LPP: variants seen among roughly 807,000 people sequenced by gnomAD.
The protein encoded by LPP is LIM domain containing preferred translocation partner in lipoma.
LPP carries 38 observed loss-of-function variants against 60.4 expected under a neutral mutation model. The observed-to-expected ratio is 0.63, with a 90% CI of 0.49 to 0.83. LPP has a LOEUF of 0.83. LPP is among the 40% of genes least tolerant of loss of function. The pLI, the probability that LPP is intolerant of heterozygous loss-of-function variation, is 0.00. For missense variants in LPP, 902 were observed against 783.6 expected (o/e 1.15, Z -1.80); for synonymous variants, 328 against 290.8 (o/e 1.13, Z -1.30).
intron 2 of LPP, among the ~76,000 whole-genome samples, chr3:188,319,180 C>G (rs910775582): frequency 6.6e-6 from 1 of 152,172 alleles, no homozygotes; most frequent in African/African-American, 2.4e-5. Context: ...AATGTGTTGG[C>G]TAAGCACCTT....
intron 5 of LPP, among the ~76,000 whole-genome samples, chr3:188,489,821 C>G (rs1807778929): frequency 6.6e-6 from 1 of 152,152 alleles, no homozygotes; most frequent in African/African-American, 2.4e-5. Context: ...CTTTGTTCGT[C>G]TTTTCTTGGT....
At chr3:188,266,599 C>T (rs1735664306) in intron 2 of LPP, among the ~76,000 whole-genome samples, 1 of 151,954 alleles carries the variant, frequency 6.6e-6, no homozygotes, top group African/African-American at 2.4e-5. Context: ...TTATTATGTA[C>T]ATAACTTTCT....
chr3:188,312,007 A>G (rs1463639600), intron 2 of LPP, among the ~76,000 whole-genome samples: 1 of 152,228 alleles, frequency 6.6e-6, no homozygotes, highest in East Asian at 1.9e-4. Flanking sequence ...AGTTTAAACT[A>G]TAGTATAAAA....
intron 2 of LPP, among the ~76,000 whole-genome samples, chr3:188,266,229 C>G (rs951921661): frequency 6.6e-6 from 1 of 151,994 alleles, no homozygotes; most frequent in African/African-American, 2.4e-5. Context: ...CCAGTCACTC[C>G]AAAGGTTCCA....
chr3:188,324,028 T>A (rs1001775134), intron 2 of LPP, among the ~76,000 whole-genome samples: 3 of 149,292 alleles, frequency 2.0e-5, no homozygotes, highest in African/African-American at 5.0e-5. Flanking sequence ...AATAAATGAT[T>A]GGTATTGTTG....
At chr3:188,247,429 T>C (rs1727374566) in intron 2 of LPP, among the ~76,000 whole-genome samples, 1 of 152,196 alleles carries the variant, frequency 6.6e-6, no homozygotes, top group Admixed American at 6.5e-5. Flanking sequence ...TTATTAATAA[T>C]TTTTTCTATA....
intron 7 of LPP, among the ~76,000 whole-genome samples, chr3:188,621,857 G>C (rs149090544): frequency 1.2e-3 from 184 of 152,024 alleles, no homozygotes; most frequent in African/African-American, 4.2e-3. Context: ...ATGGGGTTTC[G>C]CATTGTTAGC....
chr3:188,671,128 T>C (rs1856871117), intron 7 of LPP, among the ~76,000 whole-genome samples: 1 of 152,242 alleles, frequency 6.6e-6, no homozygotes, highest in Non-Finnish European at 1.5e-5. Flanking sequence ...CAGCTGAAAA[T>C]GGCTCTGCCT....
At chr3:188,274,841 A>G (rs1475049435) in intron 2 of LPP, among the ~76,000 whole-genome samples, 6 of 152,240 alleles carry the variant, frequency 3.9e-5, no homozygotes, top group Non-Finnish European at 8.8e-5. Flanking sequence ...TTTTGTAATA[A>G]GCAGTTTCAC....
rs2152103059 is a variant in LPP, at chr3:188,887,529, G to T, written c.*13050G>T. On this transcript the variant is annotated 3_prime_UTR_variant, in exon 12 of 12. Coordinates refer to ENST00000617246, the MANE Select transcript of LPP (RefSeq NM_001375462.1). ...CTTTCAAATAATAAATGGGGAGTTG[G>T]TATTTGGGCAGAGTTTGCATTTTAC... is the stretch of plus-strand genomic sequence containing the variant. 4.6e-6 allele frequency: 1 copy of T among 216,548 alleles called. No individual in the cohort carries two copies. The highest frequency in any genetic ancestry group is 6.9e-5 in the East Asian group (1 of 14,592). The allele number at this position is 216,548 out of a possible 1,614,324, so 13.4% of individuals were successfully genotyped here. A position where few individuals can be genotyped will look rare whatever the true frequency, so the allele number is the denominator to read the frequency against.
chr3:188,325,447 C>T (rs1325986595), intron 2 of LPP, among the ~76,000 whole-genome samples: 1 of 152,244 alleles, frequency 6.6e-6, no homozygotes, highest in East Asian at 1.9e-4. Flanking sequence ...AATGTTAAAG[C>T]CTTACCTAGC....
intron 5 of LPP, among the ~76,000 whole-genome samples, chr3:188,516,222 G>T (rs1817321843): frequency 6.6e-6 from 1 of 152,066 alleles, no homozygotes; most frequent in East Asian, 1.9e-4. Flanking sequence ...TGGGAAAGAG[G>T]ATACACATCC....
intron 2 of LPP, among the ~76,000 whole-genome samples, chr3:188,302,930 A>G (rs549824727): frequency 6.6e-6 from 1 of 152,226 alleles, no homozygotes; most frequent in Non-Finnish European, 1.5e-5. Flanking sequence ...TAGCTTTGGC[A>G]TAATTAAGAA....
intron 7 of LPP, among the ~76,000 whole-genome samples, chr3:188,664,993 T>A (rs1335256686): frequency 6.6e-6 from 1 of 152,148 alleles, no homozygotes; most frequent in Non-Finnish European, 1.5e-5. Flanking sequence ...ACACACCCAG[T>A]GTAGTACGCC....
Position 188,320,955 on chromosome 3 carries a change from G to A in LPP, c.-66-20708G>A, listed in dbSNP as rs1231202897. 5.3e-5 allele frequency among the ~76,000 whole-genome samples: 8 copies of A among 152,294 alleles called. No homozygotes were observed. The South Asian group carries it at 8.3e-4, about 16-fold the overall frequency. ...GTATCCCAGTGGCCAGTGTGAGTAA[G>A]CTGTCATATTTTCGGTAGTAATCCT... On this transcript the variant is annotated intron_variant, in intron 2 of 11. Coordinates refer to ENST00000617246, the MANE Select transcript of LPP (RefSeq NM_001375462.1).
chr3:188,409,686 A>C (rs1035633271), intron 4 of LPP, among the ~76,000 whole-genome samples: 1 of 152,110 alleles, frequency 6.6e-6, no homozygotes, highest in Non-Finnish European at 1.5e-5. Flanking sequence ...GCCTCAGCTC[A>C]TGCTGTTTTT....
At chr3:188,718,861 A>G (rs1715180302) in intron 8 of LPP, among the ~76,000 whole-genome samples, 1 of 152,206 alleles carries the variant, frequency 6.6e-6, no homozygotes, top group South Asian at 2.1e-4. Flanking sequence ...TTAGAGCTGG[A>G]GGGAATCTTA....
At chr3:188,863,365 C>G (rs1332017472) in intron 9 of LPP, among the ~76,000 whole-genome samples, 3 of 152,146 alleles carry the variant, frequency 2.0e-5, no homozygotes, top group African/African-American at 7.2e-5. Flanking sequence ...TAATGAATTC[C>G]TTAGCTCCCT....
intron 3 of LPP, among the ~76,000 whole-genome samples, chr3:188,367,768 T>C (rs1020671011): frequency 6.6e-6 from 1 of 152,194 alleles, no homozygotes; most frequent in African/African-American, 2.4e-5. Context: ...CCCCAACAAG[T>C]TTAACTCTGA....
Sources: gnomAD v4.1 joint callset for allele counts (sites outside exome capture counted in the v4.1 genomes callset) on GRCh38, gnomAD v4.1.1 for gene constraint, MANE v1.5 for transcripts, NCBI Gene and HGNC (gene_info 2026-07-23, HGNC 2026-07-21) for gene names.